MARF1: variants seen among roughly 807,000 people sequenced by gnomAD.
MARF1 encodes the protein meiosis regulator and mRNA stability factor 1.
A neutral mutation model predicts 168.2 loss-of-function variants in MARF1; 24 were observed. The ratio of observed to expected loss-of-function variants is 0.14; its 90% CI spans 0.10 to 0.20. The LOEUF (loss-of-function observed/expected upper bound fraction) is 0.20. Ranked by LOEUF, MARF1 falls within the 10% of genes least tolerant of loss-of-function variation. The pLI, the probability that MARF1 is intolerant of heterozygous loss-of-function variation, is 1.00. For synonymous variants in MARF1, 868 were observed against 822.4 expected (o/e 1.06, Z -0.95); for missense variants, 1,744 against 2,143.6 (o/e 0.81, Z 3.68).
At chr16:15,604,502 A>C in intron 21 of MARF1, 104 bp from the exon 22 acceptor site, 1 of 729,786 alleles carries the variant, frequency 1.4e-6, no homozygotes. Context: ...AACAGATGAA[A>C]AATCTCTAAT....
Position 15,608,260 on chromosome 16 carries a change from GAAAAAAAAAAAA to G in MARF1, c.4182+19_4182+30del, listed in dbSNP as rs748965777. The G allele has an allele frequency of 4.1e-5, 34 of 832,272 alleles. No homozygotes were observed. The East Asian group carries it at 5.9e-4, about 14-fold the overall frequency. 51.6% of individuals were successfully genotyped at this position (832,272 alleles called of 1,614,324 possible). ...TCACTGTGAGTTTTATCCCATGAGG[GAAAAAAAAAAAA>G]AAAAAAAAAAACATTTACCTTCACG... On this transcript the variant is annotated intron_variant, in intron 21 of 26. Coordinates refer to ENST00000396368, the MANE Select transcript of MARF1 (RefSeq NM_014647.4).
At chr16:15,613,988 C>T (rs944430479) in intron 16 of MARF1, among the ~76,000 whole-genome samples, 18 of 152,270 alleles carry the variant, frequency 1.2e-4, no homozygotes, top group African/African-American at 2.6e-4. Context: ...GTGTCGTTCA[C>T]GGGCAGCAGC....
rs775708732 is a variant in MARF1 at position 15,631,364 on chromosome 16, G to C, written c.1351+17C>G. 1 of 1,528,146 alleles carries C rather than the reference G, an allele frequency of 6.5e-7. No individual in the cohort carries two copies. Among genetic ancestry groups the C allele is most frequent in the Non-Finnish European group, 9.1e-7 (1 of 1,103,656 alleles). 94.7% of individuals were successfully genotyped at this position (1,528,146 alleles called of 1,614,324 possible). A position where few individuals can be genotyped will look rare whatever the true frequency, so the allele number is the denominator to read the frequency against. ...ACAGTGAGTTTAGCTGAAATTAGCA[G>C]ATGTTTCTGTACTTACTTGACACAA... On this transcript the variant is annotated intron_variant, in intron 6 of 26. Coordinates refer to ENST00000396368, the MANE Select transcript of MARF1 (RefSeq NM_014647.4).
rs758603239 is a variant in MARF1 at position 15,625,750 on chromosome 16, G to A, written c.1575C>T (p.Gly525=). ...GTCTGAGCCTGTTGCTGACGCTCTT[G>A]CCATCCTTATTTGCTGGTAGGTTAT... ...YVYNLPANKD[G]KSVSNRLRRL... The change falls in exon 8 of 27, where the codon GGC becomes GGT. Residue 525 remains glycine, a synonymous_variant. Coordinates refer to ENST00000396368, the MANE Select transcript of MARF1 (RefSeq NM_014647.4). 8 of 1,613,988 alleles carry A rather than the reference G, an allele frequency of 5.0e-6. No individual in the cohort carries two copies. In the Admixed American group the frequency reaches 1.3e-4, roughly 27 times the overall value.
intron 19 of MARF1, 83 bp downstream of exon 19, chr16:15,610,892 G>A (rs1241489597): frequency 1.4e-6 from 2 of 1,384,352 alleles, no homozygotes; most frequent in Non-Finnish European, 1.0e-6. Context: ...GGACAGGGAG[G>A]GAAAACCACA....
intron 7 of MARF1, 66 bp from the exon 8 acceptor site, chr16:15,625,866 G>A (rs1320603248): frequency 1.5e-6 from 2 of 1,318,054 alleles, no homozygotes; most frequent in African/African-American, 2.9e-5. Context: ...TTCAAAATAA[G>A]AACAATGGGT....
At position 15,611,189 on chromosome 16, in the gene MARF1, G is replaced by C. The variant is rs2033504739; in HGVS notation, c.3618-81C>G. On this transcript the variant is annotated intron_variant, in intron 18 of 26. Transcript: ENST00000396368. ...CTACAAGTTTTCCGGCCGGGCGCTG[G>C]GGCTCACGCCTGTAATCCCAGCACT... 1.1e-5 allele frequency: 15 copies of C among 1,405,472 alleles called. No individual in the cohort carries two copies. In the South Asian group the frequency reaches 1.2e-4, roughly 12 times the overall value. The allele number at this position is 1,405,472 out of a possible 1,614,324, so 87.1% of individuals were successfully genotyped here.
chr16:15,607,084 T>C lies in MARF1; in HGVS notation c.4182+1207A>G, dbSNP rs181297546. On this transcript the variant is annotated intron_variant, in intron 21 of 26. Coordinates refer to ENST00000396368, the MANE Select transcript of MARF1 (RefSeq NM_014647.4). ...GCAGTCCCTCTCTGACCAGCCCTCC[T>C]GCGATGCTGCTGGCCATTCCTCTGC... Among the ~76,000 whole-genome samples the C allele has an allele frequency of 1.2e-4, 19 of 152,256 alleles. No homozygotes were observed. The East Asian group carries it at 3.5e-3, about 28-fold the overall frequency.
intron 2 of MARF1, among the ~76,000 whole-genome samples, chr16:15,637,891 G>A (rs1054037617): frequency 5.3e-5 from 8 of 152,242 alleles, no homozygotes; most frequent in African/African-American, 1.9e-4. Flanking sequence ...TACCCGGCCA[G>A]GCGCGGTGGC....
intron 19 of MARF1, 124 bp downstream of exon 19, chr16:15,610,851 C>T: frequency 4.4e-6 from 4 of 907,418 alleles, no homozygotes; most frequent in Middle Eastern, 2.4e-4. Context: ...AGTTTTCACA[C>T]TGTGCTTTCT....
At position 15,635,965 on chromosome 16, in the gene MARF1, A is replaced by C. The variant is rs764904939; in HGVS notation, c.522T>G (p.Ser174Arg). The change falls in exon 3 of 27, where the codon AGT (serine) becomes AGG (arginine). Residue 174 changes from serine (S) to arginine (R), a missense_variant. Ser to Arg is a moderately radical substitution (Grantham distance 110). Around this residue, in one of 7 missense-constraint regions of MARF1, gnomAD observed 318 missense variants for 336.6 expected, o/e 0.94. Transcript: ENST00000396368. Reference protein sequence around the residue: ...SARNNLAGIASDFPSMCLESN... With the variant: ...SARNNLAGIARDFPSMCLESN... ...TCTCTAGACACATGCTGGGAAAGTC[A>C]CTTGCAATGCCTGCCAAATTGTTCC... 6 of 1,614,152 alleles carry C rather than the reference A, an allele frequency of 3.7e-6. No individual in the cohort carries two copies. The South Asian group carries it at 6.6e-5, about 18-fold the overall frequency.
chr16:15,608,217 G>A (rs1027900503), intron 21 of MARF1, 74 bp downstream of exon 21: 9 of 947,024 alleles, frequency 9.5e-6, no homozygotes, highest in South Asian at 4.8e-5. Context: ...ACACGCAAAC[G>A]TCCTAATGAG....
At chr16:15,635,113 TC>T in intron 3 of MARF1, 182 bp from the exon 4 acceptor site, 1 of 558,152 alleles carries the variant, frequency 1.8e-6, no homozygotes, top group Non-Finnish European at 3.1e-6. Flanking sequence ...TAAATTCATT[TC>T]CAGAAGTGAC....
chr16:15,621,664 T>C lies in MARF1; in HGVS notation c.2639+69A>G, dbSNP rs2034470514. The C allele has an allele frequency of 5.5e-6, 8 of 1,448,774 alleles. 1 individual carries two copies. In the South Asian group the frequency reaches 1.0e-4, roughly 18 times the overall value. The allele number at this position is 1,448,774 out of a possible 1,614,324, so 89.7% of individuals were successfully genotyped here. A position where few individuals can be genotyped will look rare whatever the true frequency, so the allele number is the denominator to read the frequency against. On this transcript the variant is annotated intron_variant, in intron 12 of 26. Transcript: ENST00000396368. ...GGTGGGAATGTGATTGAATCTATTT[T>C]TATTATTTCTAAAATTGTTTCTGGG...
In MARF1 at chr16:15,636,156, T is replaced by C. The variant is rs1381157589; in HGVS notation, c.331A>G (p.Thr111Ala). The change falls in exon 3 of 27, where the codon ACT becomes GCT. Residue 111 changes from threonine (T) to alanine (A), a missense_variant. Coordinates refer to ENST00000396368, the MANE Select transcript of MARF1 (RefSeq NM_014647.4). ...CCAHCPNEPS[T>A]SPMRFGGGGG... ...CCACCACCAAAACGCATTGGCGAAG[T>C]GGAGGGTTCATTAGGGCAATGAGCA... is the stretch of plus-strand genomic sequence containing the variant. The C allele has an allele frequency of 1.9e-6, 3 of 1,614,146 alleles. No homozygotes were observed. The highest frequency in any genetic ancestry group is 1.3e-5 in the African/African-American group (1 of 75,030).
intron 22 of MARF1, 45 bp downstream of exon 22, chr16:15,604,123 C>T (rs751081670): frequency 1.5e-5 from 21 of 1,411,902 alleles, no homozygotes; most frequent in African/African-American, 2.8e-5. Flanking sequence ...AATGCCCAAT[C>T]GATAGTTTTC....
intron 26 of MARF1, among the ~76,000 whole-genome samples, chr16:15,597,766 C>T (rs931377907): frequency 3.3e-5 from 5 of 152,316 alleles, no homozygotes; most frequent in Non-Finnish European, 5.9e-5. Context: ...TGCAGTTGAA[C>T]TTGCCCAGAC....
At chr16:15,617,010 G>C (rs1225023391) in intron 15 of MARF1, 42 bp downstream of exon 15, 4 of 1,593,276 alleles carry the variant, frequency 2.5e-6, no homozygotes, top group South Asian at 2.3e-5. Context: ...ATAAAAAGCA[G>C]AACTAGGGCA....
chr16:15,628,517 T>G (rs1051173630), intron 7 of MARF1, among the ~76,000 whole-genome samples: 1 of 151,996 alleles, frequency 6.6e-6, no homozygotes, highest in Non-Finnish European at 1.5e-5. Flanking sequence ...CAAGTGATTC[T>G]CCTGTCTCAG....
Sources: gnomAD v4.1 joint callset for allele counts (sites outside exome capture counted in the v4.1 genomes callset) on GRCh38, gnomAD v4.1.1 for gene constraint, gnomAD v4.1.1 regional missense constraint, MANE v1.5 for transcripts, NCBI Gene and HGNC (gene_info 2026-07-23, HGNC 2026-07-21) for gene names.